The following GPRC5B variants were observed in gnomAD, a reference collection of about 807,000 sequenced individuals.
The protein encoded by GPRC5B is G protein-coupled receptor family C group 5 member B.
Under a neutral mutation model 30.1 loss-of-function variants are expected in GPRC5B, and 16 were observed. The ratio of observed to expected loss-of-function variants is 0.53; its 90% CI spans 0.36 to 0.81. GPRC5B has a LOEUF of 0.81. GPRC5B is among the 30% of genes least tolerant of loss of function. The pLI, the probability that GPRC5B is intolerant of heterozygous loss-of-function variation, is 0.01. For missense variants in GPRC5B, 428 were observed against 544.7 expected (o/e 0.79, Z 2.13); for synonymous variants, 241 against 239.5 (o/e 1.01, Z -0.06).
intron 1 of GPRC5B, among the ~76,000 whole-genome samples, 151 bp downstream of exon 1, chr16:19,884,576 T>A (rs1001598092): frequency 6.5e-5 from 8 of 123,294 alleles, no homozygotes; most frequent in African/African-American, 2.4e-4. Flanking sequence ...AGATTCCACA[T>A]CTCCCCCAGC....
intron 1 of GPRC5B, among the ~76,000 whole-genome samples, chr16:19,882,912 T>C (rs947764670): frequency 6.6e-6 from 1 of 152,166 alleles, no homozygotes; most frequent in African/African-American, 2.4e-5. Flanking sequence ...GCCTTCCTCC[T>C]GGTTCAGTCT....
At chr16:19,878,654 C>A (rs1372304516) in intron 1 of GPRC5B, among the ~76,000 whole-genome samples, 1 of 152,132 alleles carries the variant, frequency 6.6e-6, no homozygotes, top group Admixed American at 6.5e-5. Flanking sequence ...CTTCCCCCAA[C>A]CCCTACCTCA....
chr16:19,881,031 G>A (rs990782529), intron 1 of GPRC5B: 2 of 152,166 alleles, frequency 1.3e-5, no homozygotes, highest in Non-Finnish European at 2.9e-5. Context: ...GAGCAGGTGG[G>A]GTGGGAGTGG....
intron 2 of GPRC5B, among the ~76,000 whole-genome samples, chr16:19,869,768 G>A (rs758976121): frequency 6.6e-6 from 1 of 152,130 alleles, no homozygotes; most frequent in Admixed American, 6.5e-5. Flanking sequence ...CAGAATTATA[G>A]GGGATGTTAA....
At position 19,858,381 on chromosome 16, in the gene GPRC5B, T is replaced by A. The variant is rs2056590264; in HGVS notation, c.*2119A>T. 1.6e-5 allele frequency: 8 copies of A among 495,068 alleles called. No individual in the cohort carries two copies. In the South Asian group the frequency reaches 2.5e-4, roughly 16 times the overall value. 30.7% of individuals were successfully genotyped at this position (495,068 alleles called of 1,614,324 possible). On this transcript the variant is annotated 3_prime_UTR_variant, in exon 4 of 4. Transcript: ENST00000300571. ...CATGGCTCAAAGATGGCTCTGTTCT[T>A]ATGCTGGGGAAGCACGACTTTCCAT...
intron 1 of GPRC5B, among the ~76,000 whole-genome samples, chr16:19,883,874 TG>T (rs1297787584): frequency 6.6e-6 from 1 of 152,226 alleles, no homozygotes; most frequent in African/African-American, 2.4e-5. Flanking sequence ...TTCAACCGGC[TG>T]CCCGGGGCCA....
chr16:19,858,242 A>G lies in GPRC5B; in HGVS notation c.*2258T>C, dbSNP rs764282819. 8.6e-4 allele frequency: 321 copies of G among 372,126 alleles called. No homozygotes were observed. Among genetic ancestry groups the G allele is most frequent in the Non-Finnish European group, 1.3e-3 (274 of 210,302 alleles). The allele number at this position is 372,126 out of a possible 1,614,324, so 23.1% of individuals were successfully genotyped here. On this transcript the variant is annotated 3_prime_UTR_variant, in exon 4 of 4. Coordinates refer to ENST00000300571, the MANE Select transcript of GPRC5B (RefSeq NM_016235.3). The stretch of plus-strand genomic sequence containing the variant: ...TCTCACTCCCGCCTCCGCCCCCATT[A>G]TGAAGGCGTTCAGCCCACTCTCAAC...
chr16:19,868,781 CA>C lies in GPRC5B; in HGVS notation c.1030+3034del, dbSNP rs902617439. On this transcript the variant is annotated intron_variant, in intron 2 of 3. Transcript: ENST00000300571. ...TGGCGTTCCCTCCTAGAGATCTGGC[CA>C]GGGGGAGGGGGCCCATCCACGCGGG... is the stretch of plus-strand genomic sequence containing the variant. Among the ~76,000 whole-genome samples the C allele has an allele frequency of 1.4e-4, 22 of 152,248 alleles. No individual in the cohort carries two copies. In the South Asian group the frequency reaches 3.9e-3, roughly 27 times the overall value.
At chr16:19,882,606 G>A (rs1371927736) in intron 1 of GPRC5B, among the ~76,000 whole-genome samples, 3 of 152,136 alleles carry the variant, frequency 2.0e-5, no homozygotes, top group Non-Finnish European at 4.4e-5. Flanking sequence ...GGCTCCCAGC[G>A]TCTCTCTATC....
intron 2 of GPRC5B, among the ~76,000 whole-genome samples, chr16:19,864,400 G>A (rs549102400): frequency 3.3e-5 from 5 of 152,348 alleles, no homozygotes; most frequent in East Asian, 1.9e-4. Flanking sequence ...GATGTGATTC[G>A]AGGTGCTACA....
chr16:19,874,562 G>C (rs1230575961), intron 1 of GPRC5B, among the ~76,000 whole-genome samples: 1 of 152,222 alleles, frequency 6.6e-6, no homozygotes, highest in Non-Finnish European at 1.5e-5. Context: ...TGGCACGACT[G>C]ACATTTGGGC....
At chr16:19,879,442 G>GAC (rs928356659) in intron 1 of GPRC5B, among the ~76,000 whole-genome samples, 3 of 151,360 alleles carry the variant, frequency 2.0e-5, no homozygotes, top group African/African-American at 4.9e-5. Context: ...CACACACACA[G>GAC]ACACACACAC....
chr16:19,863,723 A>G (rs6497414), intron 2 of GPRC5B, among the ~76,000 whole-genome samples: 110,624 of 151,654 alleles, frequency 0.73, 41,424 homozygotes, highest in African/African-American at 0.9. Context: ...AGCTGGTGTC[A>G]AACTCCTGAC....
chr16:19,870,880 C>T (rs957153067), intron 2 of GPRC5B, among the ~76,000 whole-genome samples: 2 of 152,052 alleles, frequency 1.3e-5, no homozygotes, highest in Admixed American at 6.6e-5. Context: ...ACCATTGCAG[C>T]CTGGTGGAAA....
intron 3 of GPRC5B, among the ~76,000 whole-genome samples, chr16:19,861,544 C>T (rs373422217): frequency 6.6e-6 from 1 of 152,096 alleles, no homozygotes. Context: ...AAGTCACCTC[C>T]CAGGGACAGA....
intron 1 of GPRC5B, among the ~76,000 whole-genome samples, chr16:19,877,787 G>A (rs2056770099): frequency 6.6e-6 from 1 of 152,172 alleles, no homozygotes; most frequent in Admixed American, 6.6e-5. Flanking sequence ...AGCTACAAAG[G>A]GGAGAGGCGA....
rs528138360 is a variant in GPRC5B at position 19,859,358 on chromosome 16, AC to A, written c.*1141del. 176 of 152,810 alleles carry A rather than the reference AC, an allele frequency of 1.2e-3. No homozygotes were observed. Among genetic ancestry groups the A allele is most frequent in the Non-Finnish European group, 2.1e-3 (140 of 68,096 alleles). The allele number at this position is 152,810 out of a possible 1,614,324, so 9.5% of individuals were successfully genotyped here. A position where few individuals can be genotyped will look rare whatever the true frequency, so the allele number is the denominator to read the frequency against. On this transcript the variant is annotated 3_prime_UTR_variant, in exon 4 of 4. Transcript: ENST00000300571. The stretch of plus-strand genomic sequence containing the variant: ...CTTGGAAAAGGGCTGTTTTCATGGA[AC>A]CTGCAGAAAAACCAAAACAAAATAT...
At chr16:19,866,233 C>T (rs1403750656) in intron 2 of GPRC5B, among the ~76,000 whole-genome samples, 1 of 152,022 alleles carries the variant, frequency 6.6e-6, no homozygotes, top group African/African-American at 2.4e-5. Context: ...TTTTTTAAAG[C>T]AGCCCCAAGT....
intron 1 of GPRC5B, among the ~76,000 whole-genome samples, chr16:19,878,958 T>C (rs2056781922): frequency 6.6e-6 from 1 of 152,128 alleles, no homozygotes; most frequent in South Asian, 2.1e-4. Flanking sequence ...CTGCAGGCGA[T>C]GTGGGGGTGT....
Sources: allele counts gnomAD v4.1 joint callset (sites outside exome capture counted in the v4.1 genomes callset), GRCh38; gene constraint gnomAD v4.1.1; transcripts MANE v1.5; gene names NCBI Gene and HGNC (gene_info 2026-07-23, HGNC 2026-07-21).